The following RAI14 variants were observed in gnomAD, a reference collection of about 807,000 sequenced individuals.
RAI14 encodes the protein ankycorbin.
In RAI14, 45 loss-of-function variants were observed where a neutral mutation model predicts 115.4. The ratio of observed to expected loss-of-function variants is 0.39; its 90% CI spans 0.31 to 0.50. RAI14 has a LOEUF of 0.50. RAI14 is among the 20% of genes least tolerant of loss of function. RAI14 has a pLI of 0.85. For missense variants in RAI14, 939 were observed against 1,131.2 expected (o/e 0.83, Z 2.44); for synonymous variants, 371 against 415.4 (o/e 0.89, Z 1.30).
At chr5:34,741,394 TC>T (rs1745493123) in intron 2 of RAI14, among the ~76,000 whole-genome samples, 1 of 152,180 alleles carries the variant, frequency 6.6e-6, no homozygotes, top group Admixed American at 6.6e-5. Flanking sequence ...CCTACACTGT[TC>T]CCCTCTCTGT....
Position 34,822,950 on chromosome 5 carries a change from T to C in RAI14, c.1114-6T>C. The C allele has an allele frequency of 6.2e-7, 1 of 1,603,868 alleles. No homozygotes were observed. The highest frequency in any genetic ancestry group is 1.1e-5 in the South Asian group (1 of 89,818). The stretch of plus-strand genomic sequence containing the variant: ...ATATCATTTAATTCTTGCTTTTTTT[T>C]CCTAGGCCAAATCACCCAAGGAGGC... On this transcript the variant is annotated splice_region_variant and splice_polypyrimidine_tract_variant and intron_variant, in intron 14 of 17. Transcript: ENST00000265109.
chr5:34,807,862 C>CTTTCA lies in RAI14; in HGVS notation c.379+8_379+12dup. 1 of 1,607,632 alleles carries CTTTCA rather than the reference C, an allele frequency of 6.2e-7. No homozygotes were observed. The highest frequency in any genetic ancestry group is 8.5e-7 in the Non-Finnish European group (1 of 1,174,098). On this transcript the variant is annotated splice_donor_region_variant and intron_variant, in intron 6 of 17. Coordinates refer to ENST00000265109, the MANE Select transcript of RAI14 (RefSeq NM_015577.3). ...AAACAGCTTTACATTATGCAGGTAA[C>CTTTCA]TTTCATTCTCCTATTTGTCTTCTTC...
intron 1 of RAI14, among the ~76,000 whole-genome samples, chr5:34,674,487 C>T (rs976903806): frequency 3.9e-5 from 6 of 152,090 alleles, no homozygotes; most frequent in Non-Finnish European, 8.8e-5. Flanking sequence ...TAAATATAGC[C>T]ATGAATAGAA....
chr5:34,829,279 C>T (rs550589559), intron 16 of RAI14, among the ~76,000 whole-genome samples: 1 of 152,136 alleles, frequency 6.6e-6, no homozygotes, highest in African/African-American at 2.4e-5. Flanking sequence ...CCTCTGCCTC[C>T]TAGGTTCAAG....
At chr5:34,698,001 G>A (rs1739477975) in intron 2 of RAI14, among the ~76,000 whole-genome samples, 1 of 151,508 alleles carries the variant, frequency 6.6e-6, no homozygotes, top group South Asian at 2.1e-4. Flanking sequence ...TTCATATTGG[G>A]TTTATTGCTG....
intron 2 of RAI14, among the ~76,000 whole-genome samples, chr5:34,705,006 C>A (rs1169374877): frequency 6.6e-6 from 1 of 152,140 alleles, no homozygotes; most frequent in Non-Finnish European, 1.5e-5. Flanking sequence ...GTTGCCCAGG[C>A]TGGACTCGAA....
intron 2 of RAI14, among the ~76,000 whole-genome samples, chr5:34,688,646 G>A (rs181545756): frequency 1.3e-5 from 2 of 152,298 alleles, no homozygotes; most frequent in Admixed American, 1.3e-4. Context: ...AAGCAGACCT[G>A]GGGGAGGAGA....
intron 2 of RAI14, among the ~76,000 whole-genome samples, chr5:34,738,891 G>T (rs1745171205): frequency 6.6e-6 from 1 of 152,170 alleles, no homozygotes; most frequent in African/African-American, 2.4e-5. Context: ...AGATATGGAT[G>T]AATTTTCCCC....
At chr5:34,733,057 G>T (rs1309153498) in intron 2 of RAI14, 2 of 152,054 alleles carry the variant, frequency 1.3e-5, no homozygotes, top group Non-Finnish European at 2.9e-5. Flanking sequence ...TTTGTTTGAA[G>T]TGTATGTTGC....
chr5:34,722,179 T>A (rs1032951430), intron 2 of RAI14, among the ~76,000 whole-genome samples: 1 of 150,660 alleles, frequency 6.6e-6, no homozygotes, highest in Non-Finnish European at 1.5e-5. Context: ...TATGTTGAAA[T>A]CCAAACCCCC....
intron 3 of RAI14, among the ~76,000 whole-genome samples, chr5:34,771,125 G>C (rs1345784989): frequency 6.6e-6 from 1 of 152,140 alleles, no homozygotes; most frequent in East Asian, 1.9e-4. Flanking sequence ...AAATACCCTT[G>C]GGGCAGGGCA....
At chr5:34,696,204 T>C (rs923196953) in intron 2 of RAI14, among the ~76,000 whole-genome samples, 1 of 152,110 alleles carries the variant, frequency 6.6e-6, no homozygotes, top group African/African-American at 2.4e-5. Context: ...AGTGGCACAA[T>C]CTTGGCTCAC....
chr5:34,741,214 C>G (rs1745470171), intron 2 of RAI14, among the ~76,000 whole-genome samples: 1 of 152,234 alleles, frequency 6.6e-6, no homozygotes, highest in Non-Finnish European at 1.5e-5. Context: ...GTGAAAGTTT[C>G]TGCCATTAAG....
At chr5:34,760,871 C>T (rs1419571884) in intron 3 of RAI14, among the ~76,000 whole-genome samples, 1 of 152,274 alleles carries the variant, frequency 6.6e-6, no homozygotes, top group African/African-American at 2.4e-5. Context: ...AAGAAAACCC[C>T]GAACCCATTA....
In RAI14 at chr5:34,822,936, T is replaced by A. The variant is rs1226556331; in HGVS notation, c.1114-20T>A. On this transcript the variant is annotated intron_variant, in intron 14 of 17. Coordinates refer to ENST00000265109, the MANE Select transcript of RAI14 (RefSeq NM_015577.3). Reference sequence around the variant, plus strand: ...TCTCCTGACCTTTGATATCATTTAATTCTTGCTTTTTTTTCCTAGGCCAAA... The same window carrying A: ...TCTCCTGACCTTTGATATCATTTAAATCTTGCTTTTTTTTCCTAGGCCAAA... 3.2e-6 allele frequency: 5 copies of A among 1,580,766 alleles called. No individual in the cohort carries two copies. In the South Asian group the frequency reaches 5.7e-5, roughly 18 times the overall value.
At chr5:34,677,122 G>A (rs1343489182) in intron 1 of RAI14, among the ~76,000 whole-genome samples, 1 of 97,632 alleles carries the variant, frequency 1.0e-5, no homozygotes, top group African/African-American at 4.6e-5. Context: ...TGTGAGGTTA[G>A]TATATTCCTT....
At chr5:34,682,002 T>C (rs1744423320) in intron 1 of RAI14, among the ~76,000 whole-genome samples, 1 of 152,032 alleles carries the variant, frequency 6.6e-6, no homozygotes, top group East Asian at 1.9e-4. Context: ...ATTACAGGCA[T>C]GCGCCACCAC....
chr5:34,715,738 G>A (rs1468619729), intron 2 of RAI14, among the ~76,000 whole-genome samples: 3 of 152,130 alleles, frequency 2.0e-5, no homozygotes, highest in Non-Finnish European at 4.4e-5. Context: ...TTTGTGAACT[G>A]TCTTCTCCCT....
intron 1 of RAI14, among the ~76,000 whole-genome samples, chr5:34,660,496 T>A (rs958184983): frequency 7.9e-5 from 12 of 152,060 alleles, no homozygotes; most frequent in Non-Finnish European, 1.6e-4. Flanking sequence ...ATGAGACAAA[T>A]CCATGGTGCT....
Sources: allele counts gnomAD v4.1 joint callset (sites outside exome capture counted in the v4.1 genomes callset), GRCh38; gene constraint gnomAD v4.1.1; transcripts MANE v1.5; gene names NCBI Gene and HGNC (gene_info 2026-07-23, HGNC 2026-07-21).